Variants in EIF4E3 observed in about 807,000 individuals in gnomAD.
EIF4E3 encodes eukaryotic translation initiation factor 4E type 3.
EIF4E3 carries 26 observed loss-of-function variants against 31.7 expected under a neutral mutation model. The ratio of observed to expected loss-of-function variants is 0.82; its 90% CI spans 0.60 to 1.14. EIF4E3 has a LOEUF of 1.14. Ranked by LOEUF, EIF4E3 falls within the 50% of genes most tolerant of loss-of-function variation. The pLI is 0.00. For synonymous variants in EIF4E3, 128 were observed against 107.7 expected, an observed-to-expected ratio of 1.19 and a Z score of -1.17; for missense variants, 304 against 270.9, an observed-to-expected ratio of 1.12 and a Z score of -0.86.
At chr3:71,699,515 T>C (rs2049185309) in intron 3 of EIF4E3, 99 bp downstream of exon 3, 1 of 1,082,176 alleles carries the variant, frequency 9.2e-7, no homozygotes, top group Non-Finnish European at 1.4e-6. Context: ...CTTTCTATGT[T>C]GTCCATGTGA....
intron 2 of EIF4E3, among the ~76,000 whole-genome samples, chr3:71,707,595 A>G (rs138572726): frequency 1.3e-5 from 2 of 152,290 alleles, no homozygotes; most frequent in African/African-American, 2.4e-5. Flanking sequence ...AGTGTTTATC[A>G]GCCATTTTTT....
intron 6 of EIF4E3, 59 bp downstream of exon 6, chr3:71,689,951 T>C: frequency 7.2e-7 from 1 of 1,391,824 alleles, no homozygotes; most frequent in Non-Finnish European, 9.4e-7. Context: ...AAACAGTTTC[T>C]ATCTTTAAAA....
upstream of EIF4E3, among the ~76,000 whole-genome samples, chr3:71,725,811 C>T (rs1009912794): frequency 1.4e-4 from 22 of 151,966 alleles, no homozygotes; most frequent in Non-Finnish European, 2.8e-4. The surrounding 1 kb of genome is among the most constrained non-coding windows in gnomAD (Gnocchi z 6.1). Context: ...GGGATGGAGC[C>T]CCAGACCCAC....
At chr3:71,740,487 A>T (rs2108150136) in intron 1 of EIF4E3, among the ~76,000 whole-genome samples, 1 of 152,364 alleles carries the variant, frequency 6.6e-6, no homozygotes, top group African/African-American at 2.4e-5. Flanking sequence ...CAATCCCAGC[A>T]CTTTGGGAGG....
At chr3:71,725,460 G>T, upstream of EIF4E3, 1 of 696,708 alleles carries the variant, frequency 1.4e-6, no homozygotes, top group Non-Finnish European at 1.7e-6. The surrounding 1 kb of genome is among the most constrained non-coding windows in gnomAD (Gnocchi z 6.1). Flanking sequence ...CCCGCCCCGC[G>T]CGCCCCGCCC....
chr3:71,753,901 G>A (rs2108173427), upstream of EIF4E3: 1 of 939,790 alleles, frequency 1.1e-6, no homozygotes, highest in South Asian at 4.8e-5. Context: ...GGGGAGCCCA[G>A]GAGGGGCCGG....
At chr3:71,753,864 A>C, upstream of EIF4E3, among the ~76,000 whole-genome samples, 1 of 139,956 alleles carries the variant, frequency 7.1e-6, no homozygotes, top group Non-Finnish European at 1.6e-5. Flanking sequence ...CATTCCTGAG[A>C]TGGCGGCGGC....
chr3:71,742,571 T>G (rs1044291757), intron 1 of EIF4E3, among the ~76,000 whole-genome samples: 1 of 152,068 alleles, frequency 6.6e-6, no homozygotes, highest in South Asian at 2.1e-4. Flanking sequence ...AAAAAAATTC[T>G]ACATAAACTT....
chr3:71,735,036 C>G (rs1409723686), intron 1 of EIF4E3, among the ~76,000 whole-genome samples: 4 of 152,104 alleles, frequency 2.6e-5, no homozygotes, highest in Non-Finnish European at 5.9e-5. Context: ...AATCTTTTAT[C>G]AGAGGAAGAA....
the EIF4E3 span, among the ~76,000 whole-genome samples, chr3:71,661,236 G>A: frequency 2.0e-5 from 3 of 152,114 alleles, no homozygotes; most frequent in South Asian, 2.1e-4. Flanking sequence ...GAGGGTTGGG[G>A]GGCGGGGGCG....
chr3:71,686,736 A>G (rs892343025), intron 6 of EIF4E3, among the ~76,000 whole-genome samples: 21 of 152,190 alleles, frequency 1.4e-4, no homozygotes, highest in African/African-American at 4.3e-4. Flanking sequence ...CTATCCAAAG[A>G]TCTGTGTTAC....
chr3:71,740,874 C>T (rs1252175895), intron 1 of EIF4E3, among the ~76,000 whole-genome samples: 10 of 152,198 alleles, frequency 6.6e-5, no homozygotes, highest in Admixed American at 4.6e-4. Flanking sequence ...CGGTGGCTCA[C>T]GCCTGTAATC....
Position 71,696,539 on chromosome 3 carries a change from T to C in EIF4E3, c.345-19A>G. ...CTCTTCCCTGGGCCAAAGACCAACG[T>C]TTAAAGTTACACTCAGGACTAAGTG... On this transcript the variant is annotated intron_variant, in intron 3 of 6. Coordinates refer to ENST00000425534, the MANE Select transcript of EIF4E3 (RefSeq NM_001134651.2). 6.2e-7 allele frequency: 1 copy of C among 1,614,060 alleles called. No homozygotes were observed. Among genetic ancestry groups the C allele is most frequent in the Non-Finnish European group, 8.5e-7 (1 of 1,179,970 alleles).
intron 2 of EIF4E3, among the ~76,000 whole-genome samples, chr3:71,702,387 C>G (rs2049230182): frequency 6.6e-6 from 1 of 152,142 alleles, no homozygotes; most frequent in African/African-American, 2.4e-5. Flanking sequence ...CATCACAAAC[C>G]AAAGTTCCTG....
intron 1 of EIF4E3, among the ~76,000 whole-genome samples, chr3:71,722,556 C>T (rs183589466): frequency 1.5e-4 from 23 of 152,338 alleles, no homozygotes; most frequent in Admixed American, 1.0e-3. Context: ...AAAAACTCTT[C>T]AGCCTGTACC....
chr3:71,671,655 G>C (rs947460657), downstream of EIF4E3, among the ~76,000 whole-genome samples: 1 of 152,010 alleles, frequency 6.6e-6, no homozygotes, highest in South Asian at 2.1e-4. Context: ...CCTACTCTCC[G>C]GGCGGCGGGG....
intron 2 of EIF4E3, among the ~76,000 whole-genome samples, chr3:71,700,935 C>T (rs1204790468): frequency 6.6e-6 from 1 of 152,070 alleles, no homozygotes; most frequent in Admixed American, 6.6e-5. Flanking sequence ...GGTATAGTCA[C>T]CATGACAGGC....
the EIF4E3 span, among the ~76,000 whole-genome samples, chr3:71,664,853 C>T: frequency 3.3e-5 from 5 of 151,906 alleles, no homozygotes; most frequent in African/African-American, 4.8e-5. Flanking sequence ...CCAGCCTAGG[C>T]GACAGAGCAA....
At chr3:71,743,930 C>T (rs761768869) in intron 1 of EIF4E3, among the ~76,000 whole-genome samples, 1 of 152,098 alleles carries the variant, frequency 6.6e-6, no homozygotes, top group Admixed American at 6.5e-5. Context: ...ATCCACCTCA[C>T]ACCATTTATA....
Sources: gnomAD v4.1 joint callset for allele counts (sites outside exome capture counted in the v4.1 genomes callset) on GRCh38, gnomAD v4.1.1 for gene constraint, Gnocchi (gnomAD v3.1) non-coding constraint, MANE v1.5 for transcripts, NCBI Gene and HGNC (gene_info 2026-07-23, HGNC 2026-07-21) for gene names.